MTA3: variants seen among roughly 807,000 people sequenced by gnomAD.
MTA3 encodes the protein metastasis-associated protein MTA3.
A neutral mutation model predicts 83.5 loss-of-function variants in MTA3; 34 were observed. That is an observed-to-expected ratio of 0.41 (90% CI 0.31 to 0.54). The LOEUF (loss-of-function observed/expected upper bound fraction) is 0.54. Among genes scored for constraint, MTA3 ranks in the 20% least tolerant of loss-of-function variants. The pLI, the probability that MTA3 is intolerant of heterozygous loss-of-function variation, is 0.33. For missense variants in MTA3, 761 were observed against 726.4 expected, an observed-to-expected ratio of 1.05 and a Z score of -0.55; for synonymous variants, 303 against 252.7, an observed-to-expected ratio of 1.20 and a Z score of -1.89.
Position 42,554,004 on chromosome 2 carries a change from C to G in MTA3, c.-140-16433C>G, listed in dbSNP as rs547258672. Among the ~76,000 whole-genome samples, 116 of 151,632 alleles carry G rather than the reference C, an allele frequency of 7.7e-4. 1 individual carries two copies. The highest frequency in any genetic ancestry group is 2.7e-3 in the African/African-American group (112 of 41,360). On this transcript the variant is annotated intron_variant, in intron 2 of 17. Transcript: ENST00000405592. ...ATCCCAGCACTTTGGGAGGCCGAGG[C>G]GGGTGGATCACCTGAGGTCAGGAGT...
At chr2:42,555,853 C>T (rs1677360640) in intron 2 of MTA3, among the ~76,000 whole-genome samples, 1 of 151,886 alleles carries the variant, frequency 6.6e-6, no homozygotes, top group Non-Finnish European at 1.5e-5. Flanking sequence ...GGGTGGATCA[C>T]CTGAGGTCAG....
At chr2:42,687,016 A>G (rs552767070) in intron 9 of MTA3, among the ~76,000 whole-genome samples, 7 of 151,712 alleles carry the variant, frequency 4.6e-5, no homozygotes, top group African/African-American at 1.5e-4. Flanking sequence ...AATACCAGCT[A>G]CTCAGGAGGC....
chr2:42,580,303 C>A (rs1043787398), intron 3 of MTA3, among the ~76,000 whole-genome samples: 12 of 151,736 alleles, frequency 7.9e-5, no homozygotes, highest in African/African-American at 2.4e-4. Flanking sequence ...CCCTTCTTTT[C>A]AGTTCAGGGG....
intron 4 of MTA3, among the ~76,000 whole-genome samples, chr2:42,629,031 T>C (rs1279859936): frequency 1.3e-5 from 2 of 152,170 alleles, no homozygotes; most frequent in Non-Finnish European, 2.9e-5. Context: ...CCAGTTTGGT[T>C]AAATGCTCAG....
At chr2:42,582,280 G>A (rs759205417) in intron 3 of MTA3, among the ~76,000 whole-genome samples, 123 of 152,118 alleles carry the variant, frequency 8.1e-4, no homozygotes, top group Non-Finnish European at 1.5e-3. Context: ...GGATGGTCTC[G>A]ATCTCCTGAC....
rs1199437223 is a variant in MTA3, at chr2:42,579,064, C to G, written c.97-43C>G. 1.2e-5 allele frequency: 16 copies of G among 1,339,036 alleles called. No individual in the cohort carries two copies. In the Admixed American group the frequency reaches 3.3e-4, roughly 28 times the overall value. The allele number at this position is 1,339,036 out of a possible 1,614,324, so 82.9% of individuals were successfully genotyped here. On this transcript the variant is annotated intron_variant, in intron 2 of 16. Transcript: ENST00000405094. ...GTTTCGTTGTATAAATTATTTGACT[C>G]TAATATTCAGTGCAAATGACTTTTA...
Position 42,540,170 on chromosome 2 carries a change from A to ATTT in MTA3, c.-140-30249_-140-30247dup, listed in dbSNP as rs70963328. On this transcript the variant is annotated intron_variant, in intron 2 of 17. Coordinates refer to the MTA3 transcript ENST00000405592. ...CCAATAGTGGGCATTAACTTTGTAGATTTTTTTTTTTTTTTTTTTTGTAGA... is the reference window on the plus strand; with the variant it reads ...CCAATAGTGGGCATTAACTTTGTAGATTTTTTTTTTTTTTTTTTTTTTTGTAGA... Among the ~76,000 whole-genome samples the ATTT allele has an allele frequency of 5.6e-3, 706 of 125,410 alleles. 20 individuals carry two copies. Among genetic ancestry groups the ATTT allele is most frequent in the African/African-American group, 0.013 (436 of 33,142 alleles). 82.3% of individuals were successfully genotyped at this position (125,410 alleles called of 152,430 possible).
chr2:42,590,634 T>TTG (rs1553351759), intron 3 of MTA3, among the ~76,000 whole-genome samples: 11 of 16,618 alleles, frequency 6.6e-4, no homozygotes, highest in Admixed American at 3.0e-3. Flanking sequence ...TTTTTTTTTG[T>TTG]GAGGTGGAGT....
intron 16 of MTA3, among the ~76,000 whole-genome samples, chr2:42,752,866 A>G (rs77598035): frequency 0.022 from 3,286 of 151,966 alleles, 112 homozygotes; most frequent in African/African-American, 0.075. Flanking sequence ...AGTATCAATT[A>G]TATATTTTAT....
intron 16 of MTA3, among the ~76,000 whole-genome samples, chr2:42,737,658 A>G (rs1263275246): frequency 1.3e-5 from 2 of 152,116 alleles, no homozygotes; most frequent in African/African-American, 2.4e-5. Context: ...TGTACTTTAT[A>G]TCACTTGGTT....
At chr2:42,650,540 C>G (rs374518505) in intron 6 of MTA3, among the ~76,000 whole-genome samples, 1 of 151,816 alleles carries the variant, frequency 6.6e-6, no homozygotes, top group Non-Finnish European at 1.5e-5. Context: ...CCCGGGTTCA[C>G]GCCATTTTCC....
chr2:42,583,672 G>A (rs1369599026), intron 3 of MTA3, among the ~76,000 whole-genome samples: 2 of 152,022 alleles, frequency 1.3e-5, no homozygotes, highest in South Asian at 2.1e-4. Flanking sequence ...GAGAGTACAC[G>A]CGCATGCCAC....
At chr2:42,559,673 G>A (rs1677571712) in intron 2 of MTA3, among the ~76,000 whole-genome samples, 1 of 151,724 alleles carries the variant, frequency 6.6e-6, no homozygotes. Context: ...GAGGTCGGGA[G>A]TTCGAGACCA....
At chr2:42,661,481 T>G (rs1573519303) in intron 8 of MTA3, among the ~76,000 whole-genome samples, 1 of 120,788 alleles carries the variant, frequency 8.3e-6, no homozygotes, top group African/African-American at 3.3e-5. Context: ...CCCTCTAGCC[T>G]GGGTAACAGA....
intron 2 of MTA3, among the ~76,000 whole-genome samples, chr2:42,520,455 AAG>A (rs1675373346): frequency 6.6e-6 from 1 of 152,152 alleles, no homozygotes; most frequent in Non-Finnish European, 1.5e-5. Flanking sequence ...CCATAAGCAT[AAG>A]AGAGCAGTGG....
At chr2:42,517,856 C>T (rs1460883639) in intron 2 of MTA3, among the ~76,000 whole-genome samples, 2 of 123,486 alleles carry the variant, frequency 1.6e-5, no homozygotes, top group Non-Finnish European at 3.3e-5. Flanking sequence ...TCCAGTGAGA[C>T]TCTGTCTCAA....
intron 4 of MTA3, among the ~76,000 whole-genome samples, chr2:42,617,039 T>A (rs960547888): frequency 6.6e-6 from 1 of 152,216 alleles, no homozygotes. Flanking sequence ...AAAGCTTTTT[T>A]GTATACTCAT....
At chr2:42,576,751 G>T (rs1679072834) in intron 2 of MTA3, among the ~76,000 whole-genome samples, 1 of 152,118 alleles carries the variant, frequency 6.6e-6, no homozygotes, top group Non-Finnish European at 1.5e-5. Flanking sequence ...TGCAAAATTA[G>T]CCGGGCATGG....
chr2:42,565,378 G>T (rs1677866033), upstream of MTA3, among the ~76,000 whole-genome samples: 1 of 149,670 alleles, frequency 6.7e-6, no homozygotes, highest in South Asian at 2.1e-4. Flanking sequence ...GTAGAGGTGG[G>T]GTCTTGCCAT....
Sources: allele counts gnomAD v4.1 joint callset (sites outside exome capture counted in the v4.1 genomes callset), GRCh38; gene constraint gnomAD v4.1.1; transcripts MANE v1.5; gene names NCBI Gene and HGNC (gene_info 2026-07-23, HGNC 2026-07-21).